The following VRK1 variants were observed in gnomAD, a reference collection of about 807,000 sequenced individuals.
The protein encoded by VRK1 is serine/threonine-protein kinase VRK1.
In VRK1, 33 loss-of-function variants were observed where a neutral mutation model predicts 57.1. The ratio of observed to expected loss-of-function variants is 0.58; its 90% CI spans 0.44 to 0.77. The LOEUF (loss-of-function observed/expected upper bound fraction) is 0.77, where lower values mean the gene tolerates loss of function less well. VRK1 is among the 30% of genes least tolerant of loss of function. The pLI is 0.00. For missense variants in VRK1, 413 were observed against 477.3 expected (o/e 0.87, Z 1.25); for synonymous variants, 137 against 147.8 (o/e 0.93, Z 0.53).
intron 1 of VRK1, among the ~76,000 whole-genome samples, chr14:96,818,496 A>G (rs778575391): frequency 2.6e-5 from 4 of 152,132 alleles, no homozygotes; most frequent in Middle Eastern, 3.2e-3. Flanking sequence ...TAGTGTGACA[A>G]TTGCTGCTAA....
intron 3 of VRK1, among the ~76,000 whole-genome samples, chr14:96,838,676 C>T (rs1243944765): frequency 3.9e-5 from 6 of 152,122 alleles, no homozygotes; most frequent in African/African-American, 1.4e-4. Context: ...CACCAGCTCC[C>T]GCCCACGACA....
At chr14:96,809,294 A>AC (rs1418120217) in intron 1 of VRK1, among the ~76,000 whole-genome samples, 2 of 152,154 alleles carry the variant, frequency 1.3e-5, no homozygotes, top group African/African-American at 4.8e-5. Flanking sequence ...GGGGACATAG[A>AC]CCTCATGTCT....
chr14:96,801,210 A>T (rs1193353578), intron 1 of VRK1, among the ~76,000 whole-genome samples: 1 of 152,202 alleles, frequency 6.6e-6, no homozygotes, highest in Non-Finnish European at 1.5e-5. Flanking sequence ...ATTGTCATTT[A>T]TATCTAAAAT....
intron 1 of VRK1, among the ~76,000 whole-genome samples, chr14:96,828,653 T>TA (rs140964712): frequency 1.3e-5 from 2 of 152,050 alleles, no homozygotes; most frequent in Admixed American, 6.6e-5. Context: ...AGCAGCACAC[T>TA]AAAAAAATTA....
chr14:96,877,619 A>T (rs1889097064), intron 12 of VRK1: 1 of 1,287,764 alleles, frequency 7.8e-7, no homozygotes, highest in Non-Finnish European at 1.0e-6. Flanking sequence ...ATACAGCAAT[A>T]TTCTTAAAAA....
chr14:96,849,164 G>A (rs1209948839), intron 5 of VRK1, among the ~76,000 whole-genome samples: 1 of 152,194 alleles, frequency 6.6e-6, no homozygotes, highest in East Asian at 1.9e-4. Flanking sequence ...AAGGGATGAG[G>A]TGACATGGTG....
Position 96,810,946 on chromosome 14 carries a change from A to AT in VRK1, c.-6+13508dup, listed in dbSNP as rs890850734. On this transcript the variant is annotated intron_variant, in intron 1 of 12. Transcript: ENST00000216639. ...CCTGTTCTTCTGATTTTTTTTTTTA[A>AT]TTTTTTTTTGAGATGGAGTGTCACT... 4.7e-5 allele frequency among the ~76,000 whole-genome samples: 7 copies of AT among 148,178 alleles called. No individual in the cohort carries two copies. The East Asian group carries it at 7.9e-4, about 17-fold the overall frequency.
At chr14:96,848,944 A>G (rs1433415059) in intron 5 of VRK1, among the ~76,000 whole-genome samples, 2 of 152,196 alleles carry the variant, frequency 1.3e-5, no homozygotes, top group Non-Finnish European at 1.5e-5. Flanking sequence ...TAAGTGGGAG[A>G]TGAACGTGAG....
At chr14:96,824,944 C>T (rs1886746387) in intron 1 of VRK1, among the ~76,000 whole-genome samples, 1 of 152,086 alleles carries the variant, frequency 6.6e-6, no homozygotes, top group Non-Finnish European at 1.5e-5. Context: ...TGAGCCACCG[C>T]ACCCGGCCAA....
At chr14:96,823,004 C>T (rs1886660449) in intron 1 of VRK1, among the ~76,000 whole-genome samples, 1 of 152,170 alleles carries the variant, frequency 6.6e-6, no homozygotes, top group Non-Finnish European at 1.5e-5. Context: ...ATACTCTCTG[C>T]CCAGATACTC....
intron 5 of VRK1, among the ~76,000 whole-genome samples, chr14:96,849,486 C>G (rs1343967248): frequency 6.6e-6 from 1 of 151,574 alleles, no homozygotes; most frequent in African/African-American, 2.4e-5. Context: ...TGCAGCAAAA[C>G]CTAAACACCA....
intron 12 of VRK1, among the ~76,000 whole-genome samples, chr14:96,876,705 CT>C (rs998439663): frequency 6.9e-6 from 1 of 145,276 alleles, no homozygotes; most frequent in Admixed American, 7.0e-5. Context: ...TCAACCTCTT[CT>C]TTTTTTTGAA....
At chr14:96,878,046 C>T (rs1311223892) in intron 12 of VRK1, among the ~76,000 whole-genome samples, 1 of 151,948 alleles carries the variant, frequency 6.6e-6, no homozygotes, top group African/African-American at 2.4e-5. Context: ...TCAGATTCAC[C>T]CTTATTCATA....
chr14:96,808,054 T>TGC (rs1885980482), intron 1 of VRK1, among the ~76,000 whole-genome samples: 2 of 142,952 alleles, frequency 1.4e-5, no homozygotes, highest in African/African-American at 5.1e-5. Context: ...TGTGTGTGTG[T>TGC]GCATGTGATT....
chr14:96,827,553 A>G (rs1886846920), intron 1 of VRK1, among the ~76,000 whole-genome samples: 2 of 152,048 alleles, frequency 1.3e-5, no homozygotes, highest in Admixed American at 6.5e-5. Context: ...GGCCCTACAG[A>G]GAACTACCCT....
At chr14:96,858,436 T>C (rs1369681687) in intron 10 of VRK1, among the ~76,000 whole-genome samples, 1 of 152,226 alleles carries the variant, frequency 6.6e-6, no homozygotes, top group African/African-American at 2.4e-5. Flanking sequence ...TTGTCATTTC[T>C]ATATGATATT....
chr14:96,811,124 T>G (rs1886183289), intron 1 of VRK1, among the ~76,000 whole-genome samples: 1 of 152,016 alleles, frequency 6.6e-6, no homozygotes, highest in South Asian at 2.1e-4. Context: ...GGAGATGGGA[T>G]CTCACCATGT....
intron 1 of VRK1, among the ~76,000 whole-genome samples, chr14:96,799,988 G>A (rs987280481): frequency 1.3e-5 from 2 of 148,506 alleles, no homozygotes; most frequent in African/African-American, 2.5e-5. Flanking sequence ...ATCCAGCACA[G>A]AATAATCCAA....
intron 11 of VRK1, among the ~76,000 whole-genome samples, chr14:96,865,309 A>C (rs1888542219): frequency 6.6e-6 from 1 of 152,152 alleles, no homozygotes; most frequent in Non-Finnish European, 1.5e-5. Flanking sequence ...GGAAAAGACG[A>C]TCGTGTCCTT....
Sources: allele counts gnomAD v4.1 joint callset (sites outside exome capture counted in the v4.1 genomes callset), GRCh38; gene constraint gnomAD v4.1.1; transcripts MANE v1.5; gene names NCBI Gene and HGNC (gene_info 2026-07-23, HGNC 2026-07-21).